Variants in COMMD10 observed in about 807,000 individuals in gnomAD.
The protein encoded by COMMD10 is COMM domain-containing protein 10.
COMMD10 carries 33 observed loss-of-function variants against 28.9 expected under a neutral mutation model. The ratio of observed to expected loss-of-function variants is 1.14; its 90% CI spans 0.87 to 1.53. The LOEUF (loss-of-function observed/expected upper bound fraction) is 1.53. Ranked by LOEUF, COMMD10 falls within the 40% of genes most tolerant of loss-of-function variation. The pLI is 0.00. For missense variants in COMMD10, 310 were observed against 233.4 expected (o/e 1.33, Z -2.14); for synonymous variants, 110 against 81.7 (o/e 1.35, Z -1.87).
intron 2 of COMMD10, 39 bp from the exon 3 acceptor site, chr5:116,091,040 A>T (rs758603793): frequency 2.9e-5 from 36 of 1,242,056 alleles, no homozygotes; most frequent in Non-Finnish European, 3.9e-5. Context: ...TGAATGCCTG[A>T]ATATGTGCTA....
intron 5 of COMMD10, among the ~76,000 whole-genome samples, chr5:116,258,356 T>C (rs1405424321): frequency 6.6e-6 from 1 of 151,776 alleles, no homozygotes; most frequent in Non-Finnish European, 1.5e-5. Context: ...ATTATTTCCT[T>C]TTAAAATTAT....
intron 5 of COMMD10, among the ~76,000 whole-genome samples, chr5:116,283,668 C>G (rs577441950): frequency 6.6e-6 from 1 of 151,680 alleles, no homozygotes; most frequent in East Asian, 1.9e-4. Flanking sequence ...GGCCTGGCCT[C>G]AAAATAACAA....
intron 5 of COMMD10, among the ~76,000 whole-genome samples, chr5:116,145,269 A>G (rs140087348): frequency 2.6e-5 from 4 of 151,968 alleles, no homozygotes; most frequent in South Asian, 2.1e-4. Context: ...TGATTGCCCA[A>G]TTGTGATTTG....
intron 5 of COMMD10, among the ~76,000 whole-genome samples, chr5:116,213,261 G>C (rs1749013386): frequency 6.6e-6 from 1 of 152,060 alleles, no homozygotes; most frequent in Non-Finnish European, 1.5e-5. Flanking sequence ...AATAGGAGTT[G>C]TAAAGATGCC....
chr5:116,129,190 C>A (rs1256674452), intron 4 of COMMD10, among the ~76,000 whole-genome samples: 1 of 151,190 alleles, frequency 6.6e-6, no homozygotes, highest in Non-Finnish European at 1.5e-5. Flanking sequence ...GAGAAGTTGC[C>A]ATAATGATGT....
intron 4 of COMMD10, among the ~76,000 whole-genome samples, chr5:116,105,608 G>A (rs918290866): frequency 2.6e-5 from 4 of 152,112 alleles, no homozygotes; most frequent in African/African-American, 7.2e-5. Context: ...TTGGTTGGTA[G>A]GCTATTAACT....
intron 4 of COMMD10, among the ~76,000 whole-genome samples, chr5:116,105,259 T>C (rs1187687485): frequency 6.6e-6 from 1 of 152,210 alleles, no homozygotes; most frequent in Non-Finnish European, 1.5e-5. Flanking sequence ...ATGGATTACT[T>C]TTATTGACTT....
At chr5:116,286,974 T>G (rs1751234436) in intron 5 of COMMD10, among the ~76,000 whole-genome samples, 1 of 151,890 alleles carries the variant, frequency 6.6e-6, no homozygotes, top group African/African-American at 2.4e-5. Flanking sequence ...TATTATTGTG[T>G]TGTTGTCAAA....
At chr5:116,200,889 G>T (rs1484086307) in intron 5 of COMMD10, among the ~76,000 whole-genome samples, 1 of 152,102 alleles carries the variant, frequency 6.6e-6, no homozygotes, top group East Asian at 1.9e-4. Context: ...CCCTGCCATA[G>T]CTGTGTTTGG....
intron 4 of COMMD10, among the ~76,000 whole-genome samples, chr5:116,113,493 C>T (rs1751128210): frequency 6.6e-6 from 1 of 151,700 alleles, no homozygotes; most frequent in African/African-American, 2.4e-5. Flanking sequence ...TCATTTTTTT[C>T]TTATTTTTAA....
At chr5:116,194,748 A>T (rs1461400324) in intron 5 of COMMD10, among the ~76,000 whole-genome samples, 1 of 152,144 alleles carries the variant, frequency 6.6e-6, no homozygotes, top group Non-Finnish European at 1.5e-5. Context: ...ACATTCAAAG[A>T]ATTGGTACCA....
intron 5 of COMMD10, among the ~76,000 whole-genome samples, chr5:116,242,886 A>G (rs1393623315): frequency 6.6e-6 from 1 of 152,200 alleles, no homozygotes; most frequent in African/African-American, 2.4e-5. Context: ...CAAAAAAGAA[A>G]TGCATTTGAG....
chr5:116,172,817 C>T (rs1753381636), intron 5 of COMMD10, among the ~76,000 whole-genome samples: 1 of 152,078 alleles, frequency 6.6e-6, no homozygotes, highest in Admixed American at 6.6e-5. Flanking sequence ...GATTTTGGAG[C>T]TTGAATTCTT....
At chr5:116,108,969 G>A (rs1204280791) in intron 4 of COMMD10, among the ~76,000 whole-genome samples, 1 of 152,070 alleles carries the variant, frequency 6.6e-6, no homozygotes, top group Admixed American at 6.5e-5. Flanking sequence ...GACCCGTTGT[G>A]CTTCCCGGGT....
chr5:116,261,550 G>A (rs1750444098), intron 5 of COMMD10, among the ~76,000 whole-genome samples: 1 of 151,738 alleles, frequency 6.6e-6, no homozygotes, highest in South Asian at 2.1e-4. Context: ...ACCATGACTA[G>A]AAATTTTTAT....
chr5:116,159,177 A>G (rs1043495279), intron 5 of COMMD10, among the ~76,000 whole-genome samples: 1 of 152,158 alleles, frequency 6.6e-6, no homozygotes, highest in Non-Finnish European at 1.5e-5. Context: ...TTATAACTCA[A>G]AGTGAAACCC....
At chr5:116,181,581 G>A (rs912551973) in intron 5 of COMMD10, among the ~76,000 whole-genome samples, 2 of 151,572 alleles carry the variant, frequency 1.3e-5, no homozygotes, top group African/African-American at 4.9e-5. Flanking sequence ...AATAATAATA[G>A]GAAGTCTGTT....
At chr5:116,288,025 G>A (rs908595287) in intron 5 of COMMD10, among the ~76,000 whole-genome samples, 5 of 151,418 alleles carry the variant, frequency 3.3e-5, no homozygotes, top group Admixed American at 2.6e-4. Context: ...CCTTTATTGA[G>A]AACCTTATAT....
intron 5 of COMMD10, among the ~76,000 whole-genome samples, chr5:116,202,709 C>T: frequency 6.6e-6 from 1 of 151,576 alleles, no homozygotes; most frequent in Non-Finnish European, 1.5e-5. Context: ...TGTTCATATC[C>T]TTTGCCCACT....
Sources: allele counts gnomAD v4.1 joint callset (sites outside exome capture counted in the v4.1 genomes callset), GRCh38; gene constraint gnomAD v4.1.1; transcripts MANE v1.5; gene names NCBI Gene and HGNC (gene_info 2026-07-23, HGNC 2026-07-21).